Variants in PTPRN2 observed in about 807,000 individuals in gnomAD.
The protein encoded by PTPRN2 is protein tyrosine phosphatase receptor type N2.
In PTPRN2, 74 loss-of-function variants were observed where a neutral mutation model predicts 118.8. The observed-to-expected ratio is 0.62, with a 90% CI of 0.52 to 0.76. PTPRN2 has a LOEUF of 0.76. Among genes scored for constraint, PTPRN2 ranks in the 30% least tolerant of loss-of-function variants. PTPRN2 has a pLI of 0.00. For missense variants in PTPRN2, 1,481 were observed against 1,394.4 expected (o/e 1.06, Z -0.99); for synonymous variants, 641 against 608.0 (o/e 1.05, Z -0.80).
intron 11 of PTPRN2, among the ~76,000 whole-genome samples, chr7:158,009,135 A>G (rs958014804): frequency 3.9e-5 from 6 of 152,074 alleles, no homozygotes; most frequent in African/African-American, 1.4e-4. Flanking sequence ...GGTGCCCGTG[A>G]CCGACCCCCT....
chr7:157,778,718 C>T (rs770133187), intron 12 of PTPRN2, among the ~76,000 whole-genome samples: 1 of 148,534 alleles, frequency 6.7e-6, no homozygotes, highest in Non-Finnish European at 1.5e-5. Context: ...GTAAACATGT[C>T]CACCTGAATA....
At chr7:157,862,684 G>A (rs1391102209) in intron 12 of PTPRN2, 1 of 152,300 alleles carries the variant, frequency 6.6e-6, no homozygotes, top group African/African-American at 2.4e-5. Context: ...CACAGTCCCT[G>A]AGATTTAAAA....
intron 11 of PTPRN2, among the ~76,000 whole-genome samples, chr7:157,976,184 C>T (rs1467713933): frequency 6.6e-6 from 1 of 152,230 alleles, no homozygotes; most frequent in Admixed American, 6.5e-5. Context: ...TGGTTCCCAT[C>T]GCGTTATCAG....
chr7:157,800,031 C>G (rs369297500), intron 12 of PTPRN2, among the ~76,000 whole-genome samples: 19 of 151,772 alleles, frequency 1.3e-4, no homozygotes, highest in African/African-American at 4.6e-4. Flanking sequence ...CCTCCTCTGT[C>G]CCTCAGAGGC....
chr7:158,147,668 C>T (rs1325375994), intron 6 of PTPRN2, among the ~76,000 whole-genome samples: 3 of 129,680 alleles, frequency 2.3e-5, no homozygotes, highest in African/African-American at 8.8e-5. Flanking sequence ...ACGTGTCTTT[C>T]CCCCTCACTG....
intron 11 of PTPRN2, among the ~76,000 whole-genome samples, chr7:158,018,573 A>G (rs1020526662): frequency 1.3e-5 from 2 of 152,172 alleles, no homozygotes; most frequent in African/African-American, 4.8e-5. Flanking sequence ...CTTGAAATGG[A>G]TCTCTTGTCC....
chr7:157,746,839 A>G (rs1489473016), intron 12 of PTPRN2, among the ~76,000 whole-genome samples: 3 of 150,578 alleles, frequency 2.0e-5, no homozygotes, highest in Non-Finnish European at 3.0e-5. Context: ...TGAGGCCTGC[A>G]TCCCTGAGCT....
chr7:158,359,986 T>C (rs905688521), intron 2 of PTPRN2, among the ~76,000 whole-genome samples: 12 of 152,140 alleles, frequency 7.9e-5, no homozygotes, highest in African/African-American at 2.7e-4. Flanking sequence ...GAGCAGCGTG[T>C]GAAGGGGACA....
intron 2 of PTPRN2, among the ~76,000 whole-genome samples, chr7:158,415,563 G>A (rs1477010537): frequency 1.3e-5 from 2 of 152,348 alleles, no homozygotes; most frequent in Non-Finnish European, 2.9e-5. Context: ...TACTGTGGAT[G>A]TACAGAAAGG....
intron 6 of PTPRN2, among the ~76,000 whole-genome samples, chr7:158,163,358 C>T (rs1026161928): frequency 2.1e-5 from 3 of 145,728 alleles, no homozygotes; most frequent in Admixed American, 6.9e-5. Flanking sequence ...GACGCCTGTA[C>T]GGGGTTCTCA....
intron 14 of PTPRN2, among the ~76,000 whole-genome samples, chr7:157,628,843 C>T (rs1803761982): frequency 1.3e-5 from 2 of 152,194 alleles, no homozygotes; most frequent in South Asian, 4.1e-4. Context: ...AGACTCTTAT[C>T]CTCTTGTTTA....
intron 12 of PTPRN2, among the ~76,000 whole-genome samples, chr7:157,806,177 TA>T (rs763322821): frequency 7.5e-4 from 114 of 152,334 alleles, no homozygotes; most frequent in Non-Finnish European, 1.3e-3. Flanking sequence ...CATTTTAGAA[TA>T]TTTACATCAC....
chr7:157,588,734 C>G (rs996997232), intron 17 of PTPRN2, among the ~76,000 whole-genome samples: 3 of 152,216 alleles, frequency 2.0e-5, no homozygotes, highest in African/African-American at 4.8e-5. Context: ...TGCCGGATCT[C>G]TCTTTTCTGT....
intron 11 of PTPRN2, among the ~76,000 whole-genome samples, chr7:157,988,740 C>CT (rs1021924009): frequency 6.6e-6 from 1 of 152,196 alleles, no homozygotes; most frequent in Non-Finnish European, 1.5e-5. Flanking sequence ...AAAAAACCAC[C>CT]TACAAGAAAG....
intron 1 of PTPRN2, among the ~76,000 whole-genome samples, chr7:158,522,425 G>A (rs1366884617): frequency 5.3e-5 from 8 of 150,780 alleles, no homozygotes; most frequent in East Asian, 1.9e-4. Context: ...GGCTCAGGGG[G>A]AAGGTCCACA....
rs547100080 is a variant in PTPRN2, at chr7:157,567,183, T to C, written c.2902+1719A>G. Among the ~76,000 whole-genome samples, 160 of 152,306 alleles carry C rather than the reference T, an allele frequency of 1.1e-3. 1 individual carries two copies. The highest frequency in any genetic ancestry group is 3.8e-3 in the African/African-American group (157 of 41,566). On this transcript the variant is annotated intron_variant, in intron 21 of 22. Transcript: ENST00000389418. Reference sequence around the variant, plus strand: ...AAATATTTGACAAGACACAGCAGCATTAATGGACAAGGAAAAATGGACTTT... The same window carrying C: ...AAATATTTGACAAGACACAGCAGCACTAATGGACAAGGAAAAATGGACTTT...
chr7:157,838,943 T>G (rs373045223), intron 12 of PTPRN2, among the ~76,000 whole-genome samples: 1 of 112,476 alleles, frequency 8.9e-6, no homozygotes, highest in Admixed American at 8.6e-5. Context: ...TCCTCTCCAC[T>G]GTGGCTACTC....
At chr7:158,514,750 T>C (rs1303642614) in intron 1 of PTPRN2, among the ~76,000 whole-genome samples, 2 of 152,244 alleles carry the variant, frequency 1.3e-5, no homozygotes, top group Non-Finnish European at 2.9e-5. Context: ...TTGGAAGATA[T>C]TTATGAAAAT....
intron 12 of PTPRN2, among the ~76,000 whole-genome samples, chr7:157,783,255 G>A (rs537040101): frequency 5.3e-5 from 8 of 152,140 alleles, no homozygotes; most frequent in Admixed American, 3.3e-4. Context: ...TTAGCAGCGT[G>A]AGAACAGACG....
Sources: allele counts gnomAD v4.1 joint callset (sites outside exome capture counted in the v4.1 genomes callset), GRCh38; gene constraint gnomAD v4.1.1; transcripts MANE v1.5; gene names NCBI Gene and HGNC (gene_info 2026-07-23, HGNC 2026-07-21).